CLUL1: variants seen among roughly 807,000 people sequenced by gnomAD.
CLUL1 encodes the protein clusterin like 1.
Under a neutral mutation model 49.4 loss-of-function variants are expected in CLUL1, and 43 were observed. The ratio of observed to expected loss-of-function variants is 0.87; its 90% CI spans 0.68 to 1.12. CLUL1 has a LOEUF of 1.12. Among genes scored for constraint, CLUL1 ranks in the 50% most tolerant of loss-of-function variants. The probability of loss-of-function intolerance (pLI) is 0.00; values close to 1 mark genes in which losing one functional copy is unlikely to be tolerated. For synonymous variants in CLUL1, 192 were observed against 184.9 expected (o/e 1.04, Z -0.31); for missense variants, 486 against 544.4 (o/e 0.89, Z 1.07).
intron 5 of CLUL1, among the ~76,000 whole-genome samples, chr18:625,552 CA>C (rs879618099): frequency 1.8e-4 from 27 of 151,780 alleles, no homozygotes; most frequent in Non-Finnish European, 3.4e-4. Context: ...CACACACACA[CA>C]CACACACCCC....
intron 2 of CLUL1, 124 bp downstream of exon 2, chr18:607,223 ATT>A: frequency 1.6e-6 from 1 of 624,926 alleles, no homozygotes. Flanking sequence ...TGCCTCCCAG[ATT>A]TAAGGGTTTC....
chr18:625,919 C>T (rs537222546), intron 5 of CLUL1, among the ~76,000 whole-genome samples: 1 of 152,294 alleles, frequency 6.6e-6, no homozygotes, highest in African/African-American at 2.4e-5. Context: ...GAGCTACTGT[C>T]GCCTGCTAAT....
intron 1 of CLUL1, among the ~76,000 whole-genome samples, chr18:599,152 G>A (rs1251345942): frequency 6.6e-6 from 1 of 152,122 alleles, no homozygotes; most frequent in Non-Finnish European, 1.5e-5. Flanking sequence ...AAATTACATA[G>A]AAGCAAAGTA....
intron 1 of CLUL1, chr18:598,716 G>C: frequency 5.1e-6 from 2 of 394,504 alleles, no homozygotes; most frequent in Non-Finnish European, 8.9e-6. Flanking sequence ...AAGAATTTCT[G>C]CACTTTGAAG....
intron 9 of CLUL1, among the ~76,000 whole-genome samples, chr18:646,118 T>C (rs889148339): frequency 5.3e-5 from 8 of 151,670 alleles, no homozygotes; most frequent in South Asian, 2.1e-4. Context: ...TGGAGCCAGT[T>C]CTCTCTCCGA....
intron 9 of CLUL1, among the ~76,000 whole-genome samples, chr18:645,973 A>C (rs1427556344): frequency 6.6e-6 from 1 of 151,138 alleles, no homozygotes; most frequent in Non-Finnish European, 1.5e-5. Context: ...TGACTTGCTA[A>C]CTACTTTAAC....
At position 645,104 on chromosome 18, in the gene CLUL1, A is replaced by AG; in HGVS notation, c.1397+8dup. ...AGGAACATTTTAAAACCTGGTAAGC[A>AG]GAGTGCCTGGTTAGGAATGCCTTGT... On this transcript the variant is annotated splice_region_variant and intron_variant, in intron 9 of 9. Transcript: ENST00000692774. 1 of 1,582,470 alleles carries AG rather than the reference A, an allele frequency of 6.3e-7. No homozygotes were observed. The highest frequency in any genetic ancestry group is 1.2e-5 in the South Asian group (1 of 84,642).
At chr18:629,980 T>C (rs1383079520) in intron 6 of CLUL1, among the ~76,000 whole-genome samples, 3 of 152,186 alleles carry the variant, frequency 2.0e-5, no homozygotes, top group Non-Finnish European at 2.9e-5. Flanking sequence ...TTGCCCCTTG[T>C]GGTAGGCAAA....
chr18:629,916 G>A (rs1440006766), intron 6 of CLUL1, among the ~76,000 whole-genome samples: 5 of 152,052 alleles, frequency 3.3e-5, no homozygotes, highest in African/African-American at 4.8e-5. Context: ...TAGTTGGTGA[G>A]GAATAAGCCT....
rs751902299 is a variant in CLUL1 at position 627,220 on chromosome 18, G to A, written c.547G>A (p.Val183Met). The A allele has an allele frequency of 1.9e-6, 3 of 1,613,844 alleles. No individual in the cohort carries two copies. Among genetic ancestry groups the A allele is most frequent in the African/African-American group, 2.7e-5 (2 of 74,902 alleles). ...EDAQLTQMED[V>M]FSQLTVDVNS... Reference sequence around the variant, plus strand: ...TGCACAATTGACCCAAATGGAGGATGTGTTCAGCCAGTTGACTGTGGATGT... The same window carrying A: ...TGCACAATTGACCCAAATGGAGGATATGTTCAGCCAGTTGACTGTGGATGT... Residue 183 changes from valine to methionine, a missense_variant, in exon 6 of 10, where the codon GTG (valine) becomes ATG (methionine). Val to Met is a conservative substitution (Grantham distance 21). Coordinates refer to ENST00000692774, the MANE Select transcript of CLUL1 (RefSeq NM_001393344.1).
intron 7 of CLUL1, among the ~76,000 whole-genome samples, chr18:640,335 A>G (rs9960304): frequency 0.34 from 52,222 of 151,918 alleles, 9,410 homozygotes; most frequent in Middle Eastern, 0.42. Context: ...ACTTGAGCCC[A>G]GGAGTTCGAG....
At chr18:609,310 C>G (rs576813895) in intron 2 of CLUL1, among the ~76,000 whole-genome samples, 1 of 152,322 alleles carries the variant, frequency 6.6e-6, no homozygotes, top group East Asian at 1.9e-4. Flanking sequence ...GACAAGCAAT[C>G]ATTTTCTTAC....
intron 4 of CLUL1, among the ~76,000 whole-genome samples, chr18:623,784 C>G (rs693347): frequency 0.99 from 151,107 of 152,308 alleles, 74,975 homozygotes; most frequent in East Asian, 1. Flanking sequence ...GTGGATCATA[C>G]CAAATGCTAC....
At chr18:615,925 A>G (rs577136123) in intron 2 of CLUL1, among the ~76,000 whole-genome samples, 1 of 152,320 alleles carries the variant, frequency 6.6e-6, no homozygotes, top group South Asian at 2.1e-4. Flanking sequence ...ACCAGGACCA[A>G]CGTCATAGGG....
chr18:606,536 C>T lies in CLUL1; in HGVS notation c.-135-442C>T, dbSNP rs886495390. 1.3e-5 allele frequency among the ~76,000 whole-genome samples: 2 copies of T among 152,106 alleles called. No individual in the cohort carries two copies. The highest frequency in any genetic ancestry group is 4.8e-5 in the African/African-American group (2 of 41,412). On this transcript the variant is annotated intron_variant, in intron 1 of 9. Transcript: ENST00000692774. This position sits in a 1 kb window ranked among gnomAD's most constrained non-coding sequence, Gnocchi z 4.1. ...AGACTCTGGCTGTCCCCCAACCCAC[C>T]CCATCTTCCTTGTCCTCACCCCTGG...
intron 2 of CLUL1, among the ~76,000 whole-genome samples, chr18:608,352 A>G: frequency 6.6e-6 from 1 of 152,114 alleles, no homozygotes. Flanking sequence ...AACCCTGACA[A>G]ATGAAGAGGC....
chr18:646,810 C>T (rs1448825565), intron 9 of CLUL1, among the ~76,000 whole-genome samples: 1 of 150,880 alleles, frequency 6.6e-6, no homozygotes, highest in Non-Finnish European at 1.5e-5. Context: ...AGTACAGTGG[C>T]ACGATCTCGG....
intron 7 of CLUL1, among the ~76,000 whole-genome samples, chr18:636,624 C>CCTTTT (rs2074143505): frequency 8.2e-6 from 1 of 122,066 alleles, no homozygotes. Context: ...CCCTTTCTCT[C>CCTTTT]TTTTTTTTTT....
intron 1 of CLUL1, among the ~76,000 whole-genome samples, chr18:600,540 G>C (rs929901188): frequency 1.5e-5 from 2 of 130,492 alleles, no homozygotes; most frequent in South Asian, 2.5e-4. Context: ...AGAGAAGAAG[G>C]CTTGGCGAGG....
Sources: gnomAD v4.1 joint callset for allele counts (sites outside exome capture counted in the v4.1 genomes callset) on GRCh38, gnomAD v4.1.1 for gene constraint, Gnocchi (gnomAD v3.1) non-coding constraint, MANE v1.5 for transcripts, NCBI Gene and HGNC (gene_info 2026-07-23, HGNC 2026-07-21) for gene names.